FER1L6: variants seen among roughly 807,000 people sequenced by gnomAD.
FER1L6 encodes the protein fer-1 like family member 6.
A neutral mutation model predicts 219.2 loss-of-function variants in FER1L6; 177 were observed. The ratio of observed to expected loss-of-function variants is 0.81; its 90% confidence interval spans 0.71 to 0.91. FER1L6 has a LOEUF of 0.91. FER1L6 is among the 40% of genes least tolerant of loss of function. The probability of loss-of-function intolerance (pLI) is 0.00; values close to 1 mark genes in which losing one functional copy is unlikely to be tolerated. For missense variants in FER1L6, 2,153 were observed against 2,259.9 expected (o/e 0.95, Z 0.96); for synonymous variants, 768 against 824.3 (o/e 0.93, Z 1.17).
intron 1 of FER1L6, among the ~76,000 whole-genome samples, chr8:123,854,321 G>A (rs1816588370): frequency 6.6e-6 from 1 of 152,112 alleles, no homozygotes; most frequent in South Asian, 2.1e-4. Context: ...ATCATTCCAA[G>A]CTCTGGGGAA....
chr8:124,064,322 C>G (rs762604093), intron 25 of FER1L6, 25 bp from the exon 26 acceptor site: 71 of 1,601,236 alleles, frequency 4.4e-5, no homozygotes, highest in Non-Finnish European at 5.8e-5. Flanking sequence ...GCCCAGCTCC[C>G]TGACCTGATG....
chr8:124,044,208 C>T (rs562615898), intron 20 of FER1L6, among the ~76,000 whole-genome samples: 40 of 152,290 alleles, frequency 2.6e-4, no homozygotes, highest in Non-Finnish European at 4.0e-4. Context: ...CATAAAAACA[C>T]GGTTCTTTGT....
Position 124,118,875 on chromosome 8 carries a change from C to G in FER1L6, c.5321C>G (p.Thr1774Arg), listed in dbSNP as rs1162414250. Residue 1774 changes from threonine (T) to arginine (R), a missense_variant, in exon 40 of 41, where the codon ACA (threonine) becomes AGA (arginine). Coordinates refer to ENST00000522917, the MANE Select transcript of FER1L6 (RefSeq NM_001039112.2). ...GTTGAAGCTGAGTTCCACCTAGTTA[C>G]AGCAGAAGAAGCTGAGAAAAATCCT... Reference protein sequence around the residue: ...GKVEAEFHLVTAEEAEKNPVG... With the variant: ...GKVEAEFHLVRAEEAEKNPVG... The G allele has an allele frequency of 1.2e-6, 2 of 1,613,914 alleles. No homozygotes were observed. The highest frequency in any genetic ancestry group is 2.2e-5 in the South Asian group (2 of 91,084).
chr8:123,972,778 G>A (rs1815879897), intron 6 of FER1L6, among the ~76,000 whole-genome samples: 1 of 152,144 alleles, frequency 6.6e-6, no homozygotes, highest in Admixed American at 6.5e-5. Context: ...TCTTTTATGG[G>A]TGACAGATTG....
At position 123,945,778 on chromosome 8, in the gene FER1L6, G is replaced by A. The variant is rs368185005; in HGVS notation, c.-7-10214G>A. Reference sequence around the variant, plus strand: ...CCTCTTGGTTATAGAAGCTATTAAAGAACTCAAACATGCAAAGAAAGTCAG... The same window carrying A: ...CCTCTTGGTTATAGAAGCTATTAAAAAACTCAAACATGCAAAGAAAGTCAG... On this transcript the variant is annotated intron_variant, in intron 1 of 40. Transcript: ENST00000522917. Among the ~76,000 whole-genome samples the A allele has an allele frequency of 7.2e-5, 11 of 152,176 alleles. No individual in the cohort carries two copies. In the East Asian group the frequency reaches 9.6e-4, roughly 13 times the overall value.
intron 1 of FER1L6, among the ~76,000 whole-genome samples, chr8:123,910,944 C>T (rs1813038444): frequency 6.6e-6 from 1 of 152,100 alleles, no homozygotes; most frequent in Non-Finnish European, 1.5e-5. Flanking sequence ...AAGTCCAGGT[C>T]CTATGACTTC....
chr8:124,000,845 A>G (rs1817375954), intron 12 of FER1L6, among the ~76,000 whole-genome samples: 1 of 152,246 alleles, frequency 6.6e-6, no homozygotes, highest in Non-Finnish European at 1.5e-5. Flanking sequence ...TGGAAGCCTA[A>G]CAAAGAATCT....
chr8:123,977,720 A>T, intron 10 of FER1L6, 111 bp downstream of exon 10: 1 of 943,924 alleles, frequency 1.1e-6, no homozygotes, highest in Non-Finnish European at 1.6e-6. Context: ...CTGGCACCAG[A>T]TACCAGTTTT....
At chr8:123,980,382 A>G in intron 10 of FER1L6, 83 bp from the exon 11 acceptor site, 1 of 1,116,676 alleles carries the variant, frequency 9.0e-7, no homozygotes, top group Non-Finnish European at 1.3e-6. Flanking sequence ...TCTTTCTTGG[A>G]TATTCTACAT....
chr8:123,922,972 G>GCC (rs5894679), intron 1 of FER1L6, among the ~76,000 whole-genome samples: 32 of 150,946 alleles, frequency 2.1e-4, no homozygotes, highest in African/African-American at 7.6e-4. Flanking sequence ...GATTTATACA[G>GCC]CCCCCCCCCA....
Position 124,101,252 on chromosome 8 carries a change from C to T in FER1L6, c.5039C>T (p.Ser1680Phe). ...ATTACCAAGAGGGAGAACATCTTCT[C>T]TTTAGAGAAGATGGAGTGTAAGACT... ...MVITKRENIF[S>F]LEKMECKTPA... Residue 1680 changes from serine to phenylalanine, a missense_variant, in exon 38 of 41, where the codon TCT (serine) becomes TTT (phenylalanine). Physicochemically the swap from Ser to Phe is radical, Grantham distance 155. Coordinates refer to ENST00000522917, the MANE Select transcript of FER1L6 (RefSeq NM_001039112.2). The T allele has an allele frequency of 1.2e-6, 2 of 1,613,836 alleles. No homozygotes were observed. The highest frequency in any genetic ancestry group is 1.7e-6 in the Non-Finnish European group (2 of 1,179,912).
At chr8:123,870,756 C>T (rs1229332683) in intron 1 of FER1L6, among the ~76,000 whole-genome samples, 1 of 152,136 alleles carries the variant, frequency 6.6e-6, no homozygotes, top group Non-Finnish European at 1.5e-5. Context: ...ATTGTCAAAA[C>T]CCATAGAACC....
intron 18 of FER1L6, among the ~76,000 whole-genome samples, chr8:124,026,778 G>A (rs1054850298): frequency 7.3e-5 from 11 of 151,204 alleles, no homozygotes; most frequent in African/African-American, 2.2e-4. Flanking sequence ...GTGGGATAAT[G>A]GTTTAAAGCA....
intron 21 of FER1L6, chr8:124,047,430 G>A (rs1348144122): frequency 6.6e-6 from 1 of 152,254 alleles, no homozygotes; most frequent in East Asian, 1.9e-4. Flanking sequence ...CCAATACGTA[G>A]TAATGATGAA....
chr8:123,871,296 C>A (rs1281202651), intron 1 of FER1L6, among the ~76,000 whole-genome samples: 1 of 152,134 alleles, frequency 6.6e-6, no homozygotes, highest in East Asian at 1.9e-4. Context: ...CCAGTAGTAA[C>A]AAACACACCT....
intron 20 of FER1L6, among the ~76,000 whole-genome samples, chr8:124,041,444 T>C (rs552946679): frequency 6.6e-6 from 1 of 152,370 alleles, no homozygotes; most frequent in South Asian, 2.1e-4. Flanking sequence ...GACAGCGTGA[T>C]GTGAACCAGC....
intron 1 of FER1L6, among the ~76,000 whole-genome samples, chr8:123,866,060 G>A (rs1013931607): frequency 6.6e-6 from 1 of 151,756 alleles, no homozygotes; most frequent in Non-Finnish European, 1.5e-5. Context: ...TTGGTTCCAA[G>A]TCTTTGCTAT....
intron 22 of FER1L6, among the ~76,000 whole-genome samples, chr8:124,052,627 A>T (rs1337699486): frequency 6.6e-6 from 1 of 152,058 alleles, no homozygotes; most frequent in Non-Finnish European, 1.5e-5. Context: ...CCTACTAAAA[A>T]TACAAAAAGT....
In FER1L6 at chr8:124,119,627, C is replaced by T. The variant is rs758681113; in HGVS notation, c.5411C>T (p.Ser1804Leu). 37 of 1,612,588 alleles carry T rather than the reference C, an allele frequency of 2.3e-5. 1 individual carries two copies. In the South Asian group the frequency reaches 2.8e-4, roughly 12 times the overall value. Residue 1804 changes from serine to leucine, a missense_variant, in exon 41 of 41, where the codon TCG becomes TTG. Coordinates refer to ENST00000522917, the MANE Select transcript of FER1L6 (RefSeq NM_001039112.2). Reference protein sequence around the residue: ...AKPNRPDTSFSWFMSPFKCLY... With the variant: ...AKPNRPDTSFLWFMSPFKCLY... The stretch of plus-strand genomic sequence containing the variant: ...CTCAGCCGCCCAGACACCTCCTTTT[C>T]GTGGTTCATGAGCCCCTTTAAGTGC...
Sources: gnomAD v4.1 joint callset for allele counts (sites outside exome capture counted in the v4.1 genomes callset) on GRCh38, gnomAD v4.1.1 for gene constraint, MANE v1.5 for transcripts, NCBI Gene and HGNC (gene_info 2026-07-23, HGNC 2026-07-21) for gene names.